HEMK2: variants seen among roughly 807,000 people sequenced by gnomAD.
HEMK2 encodes HemK methyltransferase 2, ETF1 glutamine and histone H4 lysine, also known as methyltransferase HEMK2.
chr21:28,697,320 A>T, the HEMK2 span, among the ~76,000 whole-genome samples: 1 of 152,146 alleles, frequency 6.6e-6, no homozygotes, highest in Non-Finnish European at 1.5e-5. Flanking sequence ...ACAGATCTCT[A>T]GGGCAAGGGC....
chr21:28,790,075 C>A, the HEMK2 span, among the ~76,000 whole-genome samples: 1 of 152,150 alleles, frequency 6.6e-6, no homozygotes, highest in Admixed American at 6.6e-5. Flanking sequence ...AACTTGGCCA[C>A]TTCACAAACA....
At chr21:28,794,044 C>A in the HEMK2 span, among the ~76,000 whole-genome samples, 6 of 152,266 alleles carry the variant, frequency 3.9e-5, no homozygotes, top group African/African-American at 1.4e-4. Context: ...TTTGTTACAG[C>A]AGACTTAAGA....
chr21:28,576,220 T>G, the HEMK2 span, among the ~76,000 whole-genome samples: 1 of 152,212 alleles, frequency 6.6e-6, no homozygotes, highest in African/African-American at 2.4e-5. Context: ...ATATATGAGT[T>G]CCAGTTGCTC....
the HEMK2 span, chr21:28,878,442 T>C: frequency 2.6e-4 from 335 of 1,279,694 alleles, 6 homozygotes; most frequent in South Asian, 4.2e-3. Context: ...TTTTGCATTT[T>C]ACTGCTGACG....
the HEMK2 span, among the ~76,000 whole-genome samples, chr21:28,757,730 A>G: frequency 6.6e-6 from 1 of 152,174 alleles, no homozygotes; most frequent in Non-Finnish European, 1.5e-5. Context: ...AGGACAAAAG[A>G]GTGGATAACA....
the HEMK2 span, among the ~76,000 whole-genome samples, chr21:28,779,015 A>T: frequency 5.3e-5 from 8 of 152,208 alleles, no homozygotes; most frequent in African/African-American, 1.9e-4. Flanking sequence ...GCCATAGGAC[A>T]AGGAGACTTG....
the HEMK2 span, among the ~76,000 whole-genome samples, chr21:28,683,315 A>C: frequency 6.6e-6 from 1 of 152,290 alleles, no homozygotes; most frequent in South Asian, 2.1e-4. Flanking sequence ...ATATTCATAA[A>C]GAAATAGGTC....
the HEMK2 span, among the ~76,000 whole-genome samples, chr21:28,721,147 G>T: frequency 2.0e-5 from 3 of 152,096 alleles, no homozygotes; most frequent in Non-Finnish European, 2.9e-5. Flanking sequence ...ACAGGATTTT[G>T]CTCTGTCTCC....
chr21:28,581,620 A>G, the HEMK2 span, among the ~76,000 whole-genome samples: 1 of 152,190 alleles, frequency 6.6e-6, no homozygotes, highest in East Asian at 1.9e-4. Context: ...CCCTAACTCA[A>G]GATGTGATAT....
At chr21:28,806,581 T>A in the HEMK2 span, among the ~76,000 whole-genome samples, 1 of 151,822 alleles carries the variant, frequency 6.6e-6, no homozygotes, top group African/African-American at 2.4e-5. Flanking sequence ...AAAAAGGAGG[T>A]ATTGGGCAGT....
chr21:28,687,521 A>C, the HEMK2 span, among the ~76,000 whole-genome samples: 9 of 152,228 alleles, frequency 5.9e-5, no homozygotes, highest in African/African-American at 2.2e-4. Flanking sequence ...TATGATGTAC[A>C]TGTCAGCATA....
the HEMK2 span, among the ~76,000 whole-genome samples, chr21:28,839,004 TATATATAC>T: frequency 0.02 from 1,429 of 72,778 alleles, 67 homozygotes; most frequent in South Asian, 0.056. Flanking sequence ...TATATATACA[TATATATAC>T]ACAATCTGCC....
chr21:28,698,895 C>T, the HEMK2 span, among the ~76,000 whole-genome samples: 4 of 152,214 alleles, frequency 2.6e-5, no homozygotes, highest in Non-Finnish European at 5.9e-5. Flanking sequence ...TGCATACCTA[C>T]CCCGACCAAA....
At chr21:28,867,661 A>C in the HEMK2 span, among the ~76,000 whole-genome samples, 1 of 152,198 alleles carries the variant, frequency 6.6e-6, no homozygotes, top group East Asian at 1.9e-4. Context: ...ATGTTTCATC[A>C]GTTTCCCCTT....
the HEMK2 span, among the ~76,000 whole-genome samples, chr21:28,803,029 T>C: frequency 1.3e-5 from 2 of 152,206 alleles, no homozygotes; most frequent in Non-Finnish European, 2.9e-5. Context: ...ATTAAACCAA[T>C]CACTGGGGCC....
chr21:28,722,037 T>C, the HEMK2 span, among the ~76,000 whole-genome samples: 1 of 151,864 alleles, frequency 6.6e-6, no homozygotes, highest in Non-Finnish European at 1.5e-5. Context: ...TCTGAAGATA[T>C]AAAAAGAAAC....
chr21:28,676,007 T>C, the HEMK2 span, among the ~76,000 whole-genome samples: 1 of 152,188 alleles, frequency 6.6e-6, no homozygotes, highest in East Asian at 1.9e-4. Context: ...ACAGAATCCT[T>C]CATGCTTAAC....
At chr21:28,608,094 T>TA in the HEMK2 span, among the ~76,000 whole-genome samples, 2 of 152,156 alleles carry the variant, frequency 1.3e-5, no homozygotes, top group Admixed American at 6.5e-5. Flanking sequence ...AGTTCAGTTG[T>TA]AGTCACACTG....
the HEMK2 span, among the ~76,000 whole-genome samples, chr21:28,657,572 C>G: frequency 4.6e-5 from 7 of 151,992 alleles, no homozygotes; most frequent in Admixed American, 2.0e-4. Flanking sequence ...AAAATTGTAA[C>G]TGCAGAGAAA....
Sources: allele counts gnomAD v4.1 joint callset (sites outside exome capture counted in the v4.1 genomes callset), GRCh38; gene constraint gnomAD v4.1.1; transcripts MANE v1.5; gene names NCBI Gene and HGNC (gene_info 2026-07-23, HGNC 2026-07-21).